Variants in SPIDR observed in about 807,000 individuals in gnomAD.
SPIDR encodes scaffold protein involved in DNA repair, also known as DNA repair-scaffolding protein.
A neutral mutation model predicts 104.6 loss-of-function variants in SPIDR; 93 were observed. That is an observed-to-expected ratio of 0.89 (90% CI 0.75 to 1.06). The LOEUF (loss-of-function observed/expected upper bound fraction) is 1.06. Among genes scored for constraint, SPIDR ranks in the 50% least tolerant of loss-of-function variants. SPIDR has a pLI of 0.00. For missense variants in SPIDR, 1,154 were observed against 1,111.2 expected (o/e 1.04, Z -0.55); for synonymous variants, 431 against 416.9 (o/e 1.03, Z -0.41).
intron 5 of SPIDR, among the ~76,000 whole-genome samples, chr8:47,349,268 C>T (rs2052902458): frequency 6.6e-6 from 1 of 152,232 alleles, no homozygotes; most frequent in African/African-American, 2.4e-5. Flanking sequence ...GCCTGGGGAT[C>T]ACCAGTGGAG....
intron 10 of SPIDR, among the ~76,000 whole-genome samples, chr8:47,670,560 TC>T (rs1307746323): frequency 6.6e-6 from 1 of 152,232 alleles, no homozygotes; most frequent in African/African-American, 2.4e-5. Context: ...CCTATATTTC[TC>T]ATTCCATTTT....
chr8:47,557,777 T>C (rs1393993430), intron 8 of SPIDR, among the ~76,000 whole-genome samples: 2 of 152,176 alleles, frequency 1.3e-5, no homozygotes, highest in Admixed American at 6.5e-5. Context: ...AATTAAGACC[T>C]TTTGAGATAC....
chr8:47,720,961 T>C (rs760802906), intron 16 of SPIDR, among the ~76,000 whole-genome samples: 2 of 152,154 alleles, frequency 1.3e-5, no homozygotes, highest in Non-Finnish European at 2.9e-5. Context: ...TTTTGCCATG[T>C]TAGCCAGGCT....
chr8:47,313,400 A>G (rs1282228789), intron 5 of SPIDR, among the ~76,000 whole-genome samples: 4 of 152,216 alleles, frequency 2.6e-5, no homozygotes, highest in Non-Finnish European at 5.9e-5. Flanking sequence ...CCACTGCTCA[A>G]TGAAATAAAA....
At chr8:47,690,578 G>A (rs984376441) in intron 11 of SPIDR, among the ~76,000 whole-genome samples, 51 of 152,010 alleles carry the variant, frequency 3.4e-4, no homozygotes, top group African/African-American at 1.0e-3. Context: ...CAGCACTTGC[G>A]GAGGCTGAGG....
At chr8:47,692,424 T>G (rs1452648918) in intron 11 of SPIDR, among the ~76,000 whole-genome samples, 1 of 151,952 alleles carries the variant, frequency 6.6e-6, no homozygotes, top group Non-Finnish European at 1.5e-5. Flanking sequence ...TGACCTTTGG[T>G]GTCTTTCACT....
chr8:47,588,202 A>G (rs569482021), intron 8 of SPIDR, among the ~76,000 whole-genome samples: 13 of 149,282 alleles, frequency 8.7e-5, no homozygotes, highest in East Asian at 7.9e-4. Flanking sequence ...GAGTTTTTCA[A>G]TCCATAAATA....
chr8:47,440,538 C>T lies in SPIDR; in HGVS notation c.1093C>T (p.Pro365Ser). The T allele has an allele frequency of 6.2e-7, 1 of 1,613,018 alleles. No homozygotes were observed. Among genetic ancestry groups the T allele is most frequent in the Non-Finnish European group, 8.5e-7 (1 of 1,179,182 alleles). ...RPQDTVRIFP[P>S]WQKLIIPSGS... Reference sequence around the variant, plus strand: ...CCAGGACACTGTCCGGATCTTCCCTCCCTGGTGAGTGCGCAGAACTTAATC... The same window carrying T: ...CCAGGACACTGTCCGGATCTTCCCTTCCTGGTGAGTGCGCAGAACTTAATC... The change falls in exon 8 of 20, where the codon CCC becomes TCC. Residue 365 changes from proline to serine, a missense_variant. Pro to Ser is a moderately conservative substitution (Grantham distance 74). Coordinates refer to ENST00000297423, the MANE Select transcript of SPIDR (RefSeq NM_001080394.4).
At chr8:47,404,119 A>T (rs1000133447) in intron 6 of SPIDR, among the ~76,000 whole-genome samples, 6 of 152,260 alleles carry the variant, frequency 3.9e-5, no homozygotes, top group Admixed American at 1.3e-4. Flanking sequence ...CCTATTTAAT[A>T]AATGGTGCTG....
chr8:47,629,114 T>G lies in SPIDR; in HGVS notation c.1544+29918T>G, dbSNP rs1045120350. The stretch of plus-strand genomic sequence containing the variant: ...TTAGCTAGATGACTTAAGGAAAAGT[T>G]TCGTTTGATTCTTCCTGATGCTGTC... On this transcript the variant is annotated intron_variant, in intron 10 of 19. Coordinates refer to ENST00000297423, the MANE Select transcript of SPIDR (RefSeq NM_001080394.4). Among the ~76,000 whole-genome samples the G allele has an allele frequency of 1.1e-4, 17 of 152,268 alleles. No individual in the cohort carries two copies. In the South Asian group the frequency reaches 3.5e-3, roughly 32 times the overall value.
chr8:47,331,965 C>CTTTTTTTTTTTTTTTTTTTTTTTTTT (rs1183447584), intron 5 of SPIDR, among the ~76,000 whole-genome samples: 8 of 32,712 alleles, frequency 2.4e-4, no homozygotes, highest in South Asian at 1.7e-3. Flanking sequence ...TTTTTTTAAA[C>CTTTTTTTTTTTTTTTTTTTTTTTTTT]TTTTTTTTTT....
intron 8 of SPIDR, chr8:47,512,035 G>T (rs181889480): frequency 1.4e-6 from 1 of 717,456 alleles, no homozygotes. Flanking sequence ...GCTCGCTAGC[G>T]CAATCTGCAA....
intron 10 of SPIDR, among the ~76,000 whole-genome samples, chr8:47,622,590 G>A (rs2065326852): frequency 2.6e-5 from 4 of 152,132 alleles, no homozygotes; most frequent in Admixed American, 2.6e-4. Context: ...GGGAAGTAGG[G>A]GCTGGCGTCC....
chr8:47,729,375 G>C, intron 18 of SPIDR, 37 bp from the exon 19 acceptor site: 1 of 1,567,638 alleles, frequency 6.4e-7, no homozygotes, highest in Non-Finnish European at 8.6e-7. Context: ...TACTGTGTTG[G>C]AGGGAGTTTA....
At chr8:47,618,550 G>T (rs901845592) in intron 10 of SPIDR, among the ~76,000 whole-genome samples, 1 of 151,958 alleles carries the variant, frequency 6.6e-6, no homozygotes. Flanking sequence ...TATTATACAC[G>T]AAGGAGATAA....
At chr8:47,673,974 T>C in intron 11 of SPIDR, 33 bp downstream of exon 11, 1 of 1,600,694 alleles carries the variant, frequency 6.2e-7, no homozygotes, top group Non-Finnish European at 8.5e-7. Flanking sequence ...TCCAATTTGC[T>C]ACAATTGTTG....
chr8:47,616,645 A>G (rs2064352366), intron 10 of SPIDR, among the ~76,000 whole-genome samples: 1 of 152,212 alleles, frequency 6.6e-6, no homozygotes, highest in Admixed American at 6.5e-5. Flanking sequence ...ATTACTTTTA[A>G]CATGCTTCTC....
intron 10 of SPIDR, among the ~76,000 whole-genome samples, chr8:47,612,677 G>A (rs2063752280): frequency 6.6e-6 from 1 of 152,246 alleles, no homozygotes; most frequent in African/African-American, 2.4e-5. Flanking sequence ...CCAAGGAGCT[G>A]AGGAGCAACG....
At chr8:47,682,196 A>C (rs2077174163) in intron 11 of SPIDR, among the ~76,000 whole-genome samples, 1 of 151,590 alleles carries the variant, frequency 6.6e-6, no homozygotes, top group African/African-American at 2.4e-5. Flanking sequence ...TCCAAAGTGA[A>C]CTAACTAAAA....
Sources: allele counts gnomAD v4.1 joint callset (sites outside exome capture counted in the v4.1 genomes callset), GRCh38; gene constraint gnomAD v4.1.1; transcripts MANE v1.5; gene names NCBI Gene and HGNC (gene_info 2026-07-23, HGNC 2026-07-21).